The following ALK variants were observed in gnomAD, a reference collection of about 807,000 sequenced individuals.
The protein encoded by ALK is ALK receptor tyrosine kinase, also known as ALK tyrosine kinase receptor.
Under a neutral mutation model 163.1 loss-of-function variants are expected in ALK, and 74 were observed. The ratio of observed to expected loss-of-function variants is 0.45; its 90% CI spans 0.38 to 0.55. The LOEUF (loss-of-function observed/expected upper bound fraction) is 0.55. ALK is among the 20% of genes least tolerant of loss of function. ALK has a pLI of 0.00. For missense variants in ALK, 2,063 were observed against 2,105.3 expected (o/e 0.98, Z 0.39); for synonymous variants, 960 against 843.2 (o/e 1.14, Z -2.40).
intron 3 of ALK, among the ~76,000 whole-genome samples, chr2:29,616,627 G>A (rs1675855954): frequency 6.6e-6 from 1 of 152,158 alleles, no homozygotes; most frequent in Non-Finnish European, 1.5e-5. Flanking sequence ...ACAGTTAAGA[G>A]AAAAATCACA....
intron 1 of ALK, among the ~76,000 whole-genome samples, chr2:29,851,154 C>T (rs1665979687): frequency 6.6e-6 from 1 of 152,238 alleles, no homozygotes; most frequent in Admixed American, 6.5e-5. Flanking sequence ...AGACAATTAA[C>T]TGCCCTTATT....
At chr2:29,212,501 A>AAAGGG (rs1292077039) in intron 24 of ALK, among the ~76,000 whole-genome samples, 1 of 152,156 alleles carries the variant, frequency 6.6e-6, no homozygotes, top group African/African-American at 2.4e-5. Context: ...TGCAAGTTGG[A>AAAGGG]AAGGGTTAGA....
intron 1 of ALK, among the ~76,000 whole-genome samples, chr2:29,849,986 A>G (rs1354244928): frequency 6.6e-6 from 1 of 152,240 alleles, no homozygotes; most frequent in Admixed American, 6.5e-5. Flanking sequence ...TAGTGACAAT[A>G]AGGGGAATCT....
At chr2:29,617,723 A>G (rs1675891813) in intron 3 of ALK, among the ~76,000 whole-genome samples, 1 of 152,144 alleles carries the variant, frequency 6.6e-6, no homozygotes, top group African/African-American at 2.4e-5. Context: ...CGGGAGCACT[A>G]TCTTCCCTAC....
intron 3 of ALK, among the ~76,000 whole-genome samples, chr2:29,651,473 A>T (rs559089826): frequency 2.4e-4 from 37 of 152,250 alleles, no homozygotes; most frequent in African/African-American, 8.9e-4. Flanking sequence ...CCCTTAATGC[A>T]TTGGTTATAA....
chr2:29,884,707 G>T (rs1312986066), intron 1 of ALK, among the ~76,000 whole-genome samples: 1 of 152,204 alleles, frequency 6.6e-6, no homozygotes, highest in Non-Finnish European at 1.5e-5. Flanking sequence ...GTCAGCAAAG[G>T]ATGGTTTGAT....
chr2:29,394,339 G>T (rs554320559), intron 4 of ALK, among the ~76,000 whole-genome samples: 1 of 150,588 alleles, frequency 6.6e-6, no homozygotes, highest in Non-Finnish European at 1.5e-5. Context: ...AAGAAAGAAA[G>T]AAAGAAAAAA....
intron 1 of ALK, among the ~76,000 whole-genome samples, chr2:29,758,532 G>A (rs1323871204): frequency 6.6e-6 from 1 of 152,144 alleles, no homozygotes; most frequent in South Asian, 2.1e-4. Flanking sequence ...AACAGGATTT[G>A]TACCTTGTAG....
At chr2:29,449,019 T>C (rs11686458) in intron 4 of ALK, among the ~76,000 whole-genome samples, 15,667 of 152,228 alleles carry the variant, frequency 0.1, 1,117 homozygotes, top group Non-Finnish European at 0.16. Flanking sequence ...ATCCACTGCT[T>C]GATTCTCATT....
intron 5 of ALK, among the ~76,000 whole-genome samples, chr2:29,365,137 T>C (rs6724978): frequency 0.088 from 13,416 of 152,270 alleles, 657 homozygotes; most frequent in South Asian, 0.12. Context: ...ACCATCTAGA[T>C]TAGCAGGAAC....
intron 4 of ALK, among the ~76,000 whole-genome samples, chr2:29,442,335 A>C (rs1670567236): frequency 6.6e-6 from 1 of 151,874 alleles, no homozygotes; most frequent in East Asian, 1.9e-4. Context: ...GAGACTTCTG[A>C]GCATGAATGC....
intron 3 of ALK, among the ~76,000 whole-genome samples, chr2:29,653,599 C>T (rs1207563549): frequency 1.3e-5 from 2 of 152,048 alleles, no homozygotes; most frequent in African/African-American, 4.8e-5. Flanking sequence ...ATTAAATGTC[C>T]CAACATATCC....
intron 23 of ALK, among the ~76,000 whole-genome samples, chr2:29,218,672 C>G (rs890267373): frequency 5.3e-5 from 8 of 152,230 alleles, no homozygotes; most frequent in African/African-American, 1.9e-4. Context: ...CCCAGACTCC[C>G]TTTGCAAAGT....
At chr2:29,381,332 T>C (rs900203591) in intron 5 of ALK, among the ~76,000 whole-genome samples, 5 of 152,256 alleles carry the variant, frequency 3.3e-5, no homozygotes, top group African/African-American at 1.2e-4. Flanking sequence ...TATTAGTCCA[T>C]ATCAACTGAG....
At chr2:29,542,213 GT>G (rs199602514) in intron 3 of ALK, among the ~76,000 whole-genome samples, 1 of 151,014 alleles carries the variant, frequency 6.6e-6, no homozygotes, top group African/African-American at 2.4e-5. Context: ...GTTTTGTTTT[GT>G]TTTTTTTCAG....
intron 28 of ALK, among the ~76,000 whole-genome samples, chr2:29,196,335 T>G (rs1669022284): frequency 6.6e-6 from 1 of 152,272 alleles, no homozygotes; most frequent in Non-Finnish European, 1.5e-5. Flanking sequence ...TTAATCCTCC[T>G]GACATATATA....
chr2:29,628,598 G>C (rs1056362610), intron 3 of ALK, among the ~76,000 whole-genome samples: 2 of 152,172 alleles, frequency 1.3e-5, no homozygotes, highest in African/African-American at 4.8e-5. Context: ...GTTATAAAGA[G>C]ATGGTGTACA....
intron 5 of ALK, among the ~76,000 whole-genome samples, chr2:29,337,600 G>A (rs1314902923): frequency 6.6e-6 from 1 of 152,130 alleles, no homozygotes; most frequent in Admixed American, 6.5e-5. Flanking sequence ...GAAAAAGCAG[G>A]TGCCACAGGC....
At chr2:29,437,583 C>T (rs1270372590) in intron 4 of ALK, among the ~76,000 whole-genome samples, 1 of 152,188 alleles carries the variant, frequency 6.6e-6, no homozygotes, top group African/African-American at 2.4e-5. Context: ...CCAAATACAG[C>T]TTTATCCTCA....
Sources: gnomAD v4.1 joint callset for allele counts (sites outside exome capture counted in the v4.1 genomes callset) on GRCh38, gnomAD v4.1.1 for gene constraint, MANE v1.5 for transcripts, NCBI Gene and HGNC (gene_info 2026-07-23, HGNC 2026-07-21) for gene names.